The following SLC37A3 variants were observed in gnomAD, a reference collection of about 807,000 sequenced individuals.
SLC37A3 encodes sugar phosphate exchanger 3.
SLC37A3 carries 51 observed loss-of-function variants against 67.1 expected under a neutral mutation model. That is an observed-to-expected ratio of 0.76 (90% CI 0.61 to 0.96). SLC37A3 has a LOEUF of 0.96. Among genes scored for constraint, SLC37A3 ranks in the 40% least tolerant of loss-of-function variants. The pLI is 0.00. For missense variants in SLC37A3, 508 were observed against 603.0 expected (o/e 0.84, Z 1.65); for synonymous variants, 214 against 231.4 (o/e 0.92, Z 0.68).
In SLC37A3 at chr7:140,351,272, C is replaced by G; in HGVS notation, c.882+1G>C. ...TGTGGTAAGATGTAAGCGGTCCTTA[C>G]CGGTATGACTCCAGGAAGGCAACAT... On this transcript the variant is annotated splice_donor_variant, in intron 9 of 14. Coordinates refer to ENST00000326232, the MANE Select transcript of SLC37A3 (RefSeq NM_207113.3). LOFTEE classifies it high-confidence loss of function. The G allele has an allele frequency of 6.2e-7, 1 of 1,613,366 alleles. No individual in the cohort carries two copies. The highest frequency in any genetic ancestry group is 8.5e-7 in the Non-Finnish European group (1 of 1,179,500).
chr7:140,383,465 CT>C (rs1446916434), intron 1 of SLC37A3, among the ~76,000 whole-genome samples: 1 of 151,994 alleles, frequency 6.6e-6, no homozygotes, highest in Non-Finnish European at 1.5e-5. Context: ...AGTGAGACCC[CT>C]GACTCTAAGC....
chr7:140,396,347 T>TAG (rs778931870), intron 1 of SLC37A3, among the ~76,000 whole-genome samples: 12 of 152,198 alleles, frequency 7.9e-5, no homozygotes, highest in Non-Finnish European at 1.2e-4. Context: ...TTATCCCACA[T>TAG]TATCTCATAC....
At chr7:140,359,127 A>C (rs1797157954) in intron 5 of SLC37A3, among the ~76,000 whole-genome samples, 1 of 152,100 alleles carries the variant, frequency 6.6e-6, no homozygotes, top group Non-Finnish European at 1.5e-5. Flanking sequence ...GCAGATCACA[A>C]GGTCAGGAAA....
intron 11 of SLC37A3, 94 bp downstream of exon 11, chr7:140,345,775 C>T: frequency 1.0e-6 from 1 of 968,808 alleles, no homozygotes; most frequent in Non-Finnish European, 1.7e-6. Context: ...GGTCTCCAGG[C>T]TCTCCCCAGC....
rs369235186 is a variant in SLC37A3, at chr7:140,394,252, T to C, written c.-71+4164A>G. On this transcript the variant is annotated intron_variant, in intron 1 of 14. Coordinates refer to ENST00000326232, the MANE Select transcript of SLC37A3 (RefSeq NM_207113.3). ...AATGCTTACAAAGTACTAGGCACCA[T>C]GCTAGGTACCTACCATGCATTACTG... 8.7e-4 allele frequency among the ~76,000 whole-genome samples: 133 copies of C among 152,256 alleles called. 4 individuals are homozygous for C. The South Asian group carries it at 0.02, about 23-fold the overall frequency.
chr7:140,335,331 A>G lies in SLC37A3; in HGVS notation c.*81T>C. On this transcript the variant is annotated 3_prime_UTR_variant, in exon 15 of 15. Coordinates refer to ENST00000326232, the MANE Select transcript of SLC37A3 (RefSeq NM_207113.3). ...TCCAAGATCAGGCTGGAGCTCCTAG[A>G]CAAACCCAAATTAGGGCAGACTCGA... is the stretch of plus-strand genomic sequence containing the variant. 1 of 1,614,144 alleles carries G rather than the reference A, an allele frequency of 6.2e-7. No individual in the cohort carries two copies. Among genetic ancestry groups the G allele is most frequent in the Non-Finnish European group, 8.5e-7 (1 of 1,180,038 alleles).
intron 14 of SLC37A3, among the ~76,000 whole-genome samples, chr7:140,337,066 T>G (rs991742268): frequency 7.0e-6 from 1 of 143,080 alleles, no homozygotes; most frequent in African/African-American, 2.7e-5. Context: ...GCCACCACAC[T>G]TCAGCCTGGG....
chr7:140,394,346 AGT>A (rs1187020148), intron 1 of SLC37A3, among the ~76,000 whole-genome samples: 4 of 151,726 alleles, frequency 2.6e-5, no homozygotes, highest in Non-Finnish European at 5.9e-5. Flanking sequence ...GGTCTGGTCC[AGT>A]GGCTCACGCC....
chr7:140,348,072 A>G (rs1003609817), intron 10 of SLC37A3, among the ~76,000 whole-genome samples: 1 of 152,252 alleles, frequency 6.6e-6, no homozygotes, highest in Admixed American at 6.5e-5. Context: ...ATACTGTAAC[A>G]TAAGTTATAT....
intron 1 of SLC37A3, chr7:140,386,953 A>C (rs1434612198): frequency 6.6e-6 from 1 of 152,208 alleles, no homozygotes; most frequent in Non-Finnish European, 1.5e-5. Flanking sequence ...GATATTTGTC[A>C]GCAACAAGAA....
chr7:140,389,721 G>A (rs1331250778), intron 1 of SLC37A3, among the ~76,000 whole-genome samples: 4 of 152,282 alleles, frequency 2.6e-5, no homozygotes, highest in East Asian at 1.9e-4. Context: ...GCAGCAACAC[G>A]TCCAGGTGGA....
chr7:140,364,948 G>A (rs151321406), intron 4 of SLC37A3, among the ~76,000 whole-genome samples: 1 of 152,322 alleles, frequency 6.6e-6, no homozygotes, highest in Non-Finnish European at 1.5e-5. Context: ...TTAGCCATCT[G>A]CACTCTGGGT....
At chr7:140,392,609 G>A (rs971151750) in intron 1 of SLC37A3, among the ~76,000 whole-genome samples, 2 of 152,080 alleles carry the variant, frequency 1.3e-5, no homozygotes, top group African/African-American at 2.4e-5. Flanking sequence ...CAGATTCTTT[G>A]CCACAGCCTT....
Position 140,355,756 on chromosome 7 carries a change from A to G in SLC37A3, c.530T>C (p.Val177Ala). The change falls in exon 7 of 15, where the codon GTT (valine) becomes GCT (alanine). Residue 177 changes from valine (V) to alanine (A), a missense_variant. By Grantham distance (64) the Val-to-Ala change is moderately conservative (BLOSUM62 0). Coordinates refer to ENST00000326232, the MANE Select transcript of SLC37A3 (RefSeq NM_207113.3). ...ACAGGCACTCCAGAGACCAAAAACA[A>G]CTCCTCGTCTAAGATGGAAAACAGT... is the stretch of plus-strand genomic sequence containing the variant. ...GNWFGKAGRGVVFGLWSACAS... is the reference protein window; with the variant it reads ...GNWFGKAGRGAVFGLWSACAS... 6.2e-7 allele frequency: 1 copy of G among 1,613,630 alleles called. No homozygotes were observed.
At position 140,352,078 on chromosome 7, in the gene SLC37A3, C is replaced by T. The variant is rs192895264; in HGVS notation, c.687G>A (p.Val229=). 9 of 1,612,266 alleles carry T rather than the reference C, an allele frequency of 5.6e-6. No individual in the cohort carries two copies. The South Asian group carries it at 6.6e-5, about 12-fold the overall frequency. Residue 229 remains valine, a synonymous_variant, in exon 8 of 15, where the codon GTG becomes GTA. Transcript: ENST00000326232. Reference sequence around the variant, plus strand: ...TCTCCTCACCAATTTCTTCTGGTGACACCAGGAGTCCAAAGAAGATAACGA... The same window carrying T: ...TCTCCTCACCAATTTCTTCTGGTGATACCAGGAGTCCAAAGAAGATAACGA... ...GGIVIFFGLL[V]SPEEIGLSGI...
chr7:140,345,738 A>G, intron 11 of SLC37A3, 131 bp downstream of exon 11: 1 of 720,388 alleles, frequency 1.4e-6, no homozygotes, highest in South Asian at 1.6e-5. Context: ...AGGACAATGC[A>G]AAGGTGGCAT....
chr7:140,365,940 TTTTTTTTTTTTTTTTG>T (rs1320714190), intron 4 of SLC37A3, among the ~76,000 whole-genome samples: 2 of 126,704 alleles, frequency 1.6e-5, no homozygotes, highest in African/African-American at 3.1e-5. Context: ...TTTTTTTTTT[TTTTTTTTTTTTTTTTG>T]AGACAGAGTC....
At chr7:140,341,583 T>C (rs1483453396) in intron 13 of SLC37A3, among the ~76,000 whole-genome samples, 2 of 152,112 alleles carry the variant, frequency 1.3e-5, no homozygotes, top group Non-Finnish European at 2.9e-5. Flanking sequence ...TTTCACCCCT[T>C]AGGCAATGGG....
chr7:140,395,436 G>A (rs376927501), intron 1 of SLC37A3, among the ~76,000 whole-genome samples: 71 of 141,744 alleles, frequency 5.0e-4, no homozygotes, highest in African/African-American at 1.5e-3. Context: ...GGCTGGGTGC[G>A]GTGGCTCACA....
Sources: gnomAD v4.1 joint callset for allele counts (sites outside exome capture counted in the v4.1 genomes callset) on GRCh38, gnomAD v4.1.1 for gene constraint, MANE v1.5 for transcripts, NCBI Gene and HGNC (gene_info 2026-07-23, HGNC 2026-07-21) for gene names.